LAMA2: variants seen among roughly 807,000 people sequenced by gnomAD.
The protein encoded by LAMA2 is laminin subunit alpha-2.
A neutral mutation model predicts 364.8 loss-of-function variants in LAMA2; 269 were observed. The observed-to-expected ratio is 0.74, with a 90% CI of 0.67 to 0.82. LAMA2 has a LOEUF of 0.82. Ranked by LOEUF, LAMA2 falls within the 40% of genes least tolerant of loss-of-function variation. LAMA2 has a pLI of 0.00. For synonymous variants in LAMA2, 1,379 were observed against 1,370.6 expected (o/e 1.01, Z -0.14); for missense variants, 3,807 against 3,873.2 (o/e 0.98, Z 0.45).
chr6:129,014,992 T>C (rs1268176249), intron 1 of LAMA2, among the ~76,000 whole-genome samples: 4 of 152,016 alleles, frequency 2.6e-5, no homozygotes, highest in Admixed American at 6.6e-5. Context: ...AACTAAGAAA[T>C]CTATTAAAAT....
chr6:129,373,302 A>G (rs915409698), intron 34 of LAMA2, among the ~76,000 whole-genome samples: 1 of 152,154 alleles, frequency 6.6e-6, no homozygotes. Context: ...TTTTTAGTTA[A>G]TTCCAATACT....
At chr6:128,960,698 A>G (rs1781432589) in intron 1 of LAMA2, among the ~76,000 whole-genome samples, 1 of 151,864 alleles carries the variant, frequency 6.6e-6, no homozygotes, top group Admixed American at 6.6e-5. Flanking sequence ...TTTATATTCT[A>G]TTGTTTCCCC....
intron 33 of LAMA2, among the ~76,000 whole-genome samples, chr6:129,368,901 T>C (rs1777922104): frequency 6.6e-6 from 1 of 152,228 alleles, no homozygotes; most frequent in African/African-American, 2.4e-5. Context: ...CCAAAGACCA[T>C]CAAGGACACA....
rs2115036960 is a variant in LAMA2, at chr6:129,192,739, C to G, written c.1668C>G (p.Pro556=). ...TTCCTGGCCGCATTCGAGTGGCTCC[C>G]CAGCAGGACGACTTGGACTCACCTC... ...TDLPGRIRVA[P]QQDDLDSPQQ... is the part of the protein sequence containing the mutation. The change falls in exon 12 of 65, where the codon CCC becomes CCG. Residue 556 remains proline, a synonymous_variant. Transcript: ENST00000421865. 2 of 1,614,202 alleles carry G rather than the reference C, an allele frequency of 1.2e-6. No individual in the cohort carries two copies. The highest frequency in any genetic ancestry group is 2.2e-5 in the South Asian group (2 of 91,082).
intron 23 of LAMA2, among the ~76,000 whole-genome samples, chr6:129,314,411 A>AAAAAAAAAAAAC: frequency 6.6e-6 from 1 of 151,514 alleles, no homozygotes; most frequent in African/African-American, 2.4e-5. Flanking sequence ...AAAAAAAAAA[A>AAAAAAAAAAAAC]AAAAAAAAGT....
chr6:128,994,471 T>C (rs1783802971), intron 1 of LAMA2, among the ~76,000 whole-genome samples: 1 of 152,246 alleles, frequency 6.6e-6, no homozygotes, highest in Non-Finnish European at 1.5e-5. Context: ...TGATTCAATA[T>C]TTAGTTGAGT....
At chr6:128,905,838 T>C (rs1286072009) in intron 1 of LAMA2, among the ~76,000 whole-genome samples, 1 of 150,720 alleles carries the variant, frequency 6.6e-6, no homozygotes, top group East Asian at 2.0e-4. Context: ...CCTGTGTCCA[T>C]GTGATCTCAT....
At chr6:129,379,135 T>C (rs1380058599) in intron 34 of LAMA2, among the ~76,000 whole-genome samples, 1 of 152,158 alleles carries the variant, frequency 6.6e-6, no homozygotes, top group Non-Finnish European at 1.5e-5. Context: ...ATGTCCCACT[T>C]ATAAATGGGA....
chr6:128,991,361 G>A (rs1562901204), intron 1 of LAMA2, among the ~76,000 whole-genome samples: 1 of 152,056 alleles, frequency 6.6e-6, no homozygotes, highest in Non-Finnish European at 1.5e-5. Flanking sequence ...AAACACTATT[G>A]CCATTTTTTG....
rs563448773 is a variant in LAMA2, at chr6:129,132,454, C to T, written c.640-11447C>T. Among the ~76,000 whole-genome samples the T allele has an allele frequency of 2.0e-4, 30 of 152,324 alleles. No individual in the cohort carries two copies. In the South Asian group the frequency reaches 6.2e-3, roughly 32 times the overall value. ...GTGCTGGGATTACAGGCGTGAGCCA[C>T]CGCACCAGCCTCTGACCTTACTCTT... On this transcript the variant is annotated intron_variant, in intron 4 of 64. Coordinates refer to ENST00000421865, the MANE Select transcript of LAMA2 (RefSeq NM_000426.4).
chr6:129,028,751 T>C (rs1786015559), intron 1 of LAMA2, among the ~76,000 whole-genome samples: 1 of 151,884 alleles, frequency 6.6e-6, no homozygotes, highest in South Asian at 2.1e-4. Context: ...GGAATCAATA[T>C]GGTTTTTAAG....
chr6:129,017,633 CA>C, intron 1 of LAMA2, among the ~76,000 whole-genome samples: 1 of 152,106 alleles, frequency 6.6e-6, no homozygotes, highest in Admixed American at 6.5e-5. Context: ...TAATTACTGC[CA>C]TTGACTAGCC....
intron 48 of LAMA2, among the ~76,000 whole-genome samples, chr6:129,457,018 A>G (rs2114795972): frequency 6.6e-6 from 1 of 152,282 alleles, no homozygotes; most frequent in South Asian, 2.1e-4. Context: ...GCGCATTTCA[A>G]ATTGCAGAAT....
chr6:129,075,485 G>A (rs1422272149), intron 3 of LAMA2, among the ~76,000 whole-genome samples: 1 of 152,162 alleles, frequency 6.6e-6, no homozygotes, highest in Non-Finnish European at 1.5e-5. Flanking sequence ...CTGCTAAATG[G>A]AGAATGATTA....
At chr6:128,936,093 C>T (rs757967050) in intron 1 of LAMA2, among the ~76,000 whole-genome samples, 1 of 152,204 alleles carries the variant, frequency 6.6e-6, no homozygotes, top group Non-Finnish European at 1.5e-5. Flanking sequence ...AGGAAGGTAC[C>T]TTGCTTCCCC....
intron 24 of LAMA2, 30 bp from the exon 25 acceptor site, chr6:129,315,446 A>G (rs1453995975): frequency 6.2e-7 from 1 of 1,605,044 alleles, no homozygotes; most frequent in African/African-American, 1.3e-5. Flanking sequence ...GCGTAAATTC[A>G]GCCTTCTGCT....
chr6:129,329,521 C>T (rs1775500800), intron 29 of LAMA2, among the ~76,000 whole-genome samples: 1 of 152,120 alleles, frequency 6.6e-6, no homozygotes, highest in African/African-American at 2.4e-5. Flanking sequence ...GCCACCACAC[C>T]TGGATATTTT....
At chr6:128,974,711 T>A (rs1045751908) in intron 1 of LAMA2, among the ~76,000 whole-genome samples, 1 of 152,200 alleles carries the variant, frequency 6.6e-6, no homozygotes, top group Non-Finnish European at 1.5e-5. Flanking sequence ...GTTCACTGAT[T>A]CATTTATCCA....
At chr6:129,010,604 C>G (rs1784707954) in intron 1 of LAMA2, among the ~76,000 whole-genome samples, 1 of 152,206 alleles carries the variant, frequency 6.6e-6, no homozygotes, top group Non-Finnish European at 1.5e-5. Flanking sequence ...CTTTACCCTT[C>G]CTGGTATAGA....
Sources: gnomAD v4.1 joint callset for allele counts (sites outside exome capture counted in the v4.1 genomes callset) on GRCh38, gnomAD v4.1.1 for gene constraint, MANE v1.5 for transcripts, NCBI Gene and HGNC (gene_info 2026-07-23, HGNC 2026-07-21) for gene names.